The following SMIM8 variants were observed in gnomAD, a reference collection of about 807,000 sequenced individuals.
The protein encoded by SMIM8 is small integral membrane protein 8, also known as UPF0708 protein C6orf162.
SMIM8 carries 8 observed loss-of-function variants against 8.1 expected under a neutral mutation model. The observed-to-expected ratio is 0.99, with a 90% CI of 0.58 to 1.78. The LOEUF is 1.78. Ranked by LOEUF, SMIM8 falls within the 40% of genes most tolerant of loss-of-function variation. The pLI is 0.00. For synonymous variants in SMIM8, 45 were observed against 39.7 expected, an observed-to-expected ratio of 1.13 and a Z score of -0.50; for missense variants, 126 against 119.8, an observed-to-expected ratio of 1.05 and a Z score of -0.24.
Position 87,338,906 on chromosome 6 carries a change from C to CTTTTTTT in SMIM8, c.136-1196_136-1190dup, listed in dbSNP as rs58307492. ...TGAACATCTTTCCTGTATTTAAAAG[C>CTTTTTTT]TTTTTTTTTTTTTTTTTTTTGACTG... On this transcript the variant is annotated intron_variant, in intron 3 of 3. Transcript: ENST00000392863. 2.6e-4 allele frequency among the ~76,000 whole-genome samples: 30 copies of CTTTTTTT among 116,116 alleles called. 1 individual carries two copies. The highest frequency in any genetic ancestry group is 5.1e-3 in the Middle Eastern group (1 of 196). The allele number at this position is 116,116 out of a possible 152,430, so 76.2% of individuals were successfully genotyped here. A position where few individuals can be genotyped will look rare whatever the true frequency, so the allele number is the denominator to read the frequency against.
chr6:87,323,937 T>C (rs1343329039), intron 1 of SMIM8, among the ~76,000 whole-genome samples: 1 of 151,832 alleles, frequency 6.6e-6, no homozygotes, highest in Non-Finnish European at 1.5e-5. Context: ...CAGCACCTGT[T>C]GTTTCCTGAC....
intron 2 of SMIM8, among the ~76,000 whole-genome samples, chr6:87,335,642 A>C (rs1020521836): frequency 1.3e-5 from 2 of 152,142 alleles, no homozygotes; most frequent in African/African-American, 4.8e-5. Context: ...TTTCTCCTTA[A>C]CTACGAAGTT....
At chr6:87,327,389 G>A (rs1776854356) in intron 1 of SMIM8, among the ~76,000 whole-genome samples, 1 of 152,154 alleles carries the variant, frequency 6.6e-6, no homozygotes, top group Non-Finnish European at 1.5e-5. Context: ...GCAATGGATG[G>A]TACAGGTTGT....
At chr6:87,339,080 G>A (rs544431659) in intron 3 of SMIM8, among the ~76,000 whole-genome samples, 7 of 152,012 alleles carry the variant, frequency 4.6e-5, no homozygotes, top group African/African-American at 1.7e-4. Flanking sequence ...CAAGGTGGGC[G>A]GATCACTTGA....
chr6:87,336,009 C>T (rs1169453187), intron 2 of SMIM8, among the ~76,000 whole-genome samples: 1 of 151,778 alleles, frequency 6.6e-6, no homozygotes, highest in African/African-American at 2.4e-5. Flanking sequence ...TCTAGGCAAT[C>T]GAGTAAGAAG....
Position 87,342,074 on chromosome 6 carries a change from C to A in SMIM8, c.*1800C>A, listed in dbSNP as rs1263868543. ...GGTGCAGACTTGAGTCATGTAAGAT[C>A]TATGTGAATGAACCAAAGTAACTAG... is the stretch of plus-strand genomic sequence containing the variant. On this transcript the variant is annotated 3_prime_UTR_variant, in exon 4 of 4. Coordinates refer to ENST00000392863, the MANE Select transcript of SMIM8 (RefSeq NM_001042493.3). The A allele has an allele frequency of 1.3e-5, 2 of 152,182 alleles. No homozygotes were observed. The highest frequency in any genetic ancestry group is 2.9e-5 in the Non-Finnish European group (2 of 68,028). 9.4% of individuals were successfully genotyped at this position (152,182 alleles called of 1,614,324 possible).
chr6:87,332,627 C>A (rs947262506), intron 2 of SMIM8, among the ~76,000 whole-genome samples: 1 of 68,602 alleles, frequency 1.5e-5, no homozygotes, highest in African/African-American at 6.2e-5. Flanking sequence ...ATTCCTGGCA[C>A]ATTATCATCC....
intron 1 of SMIM8, among the ~76,000 whole-genome samples, chr6:87,323,505 A>G (rs1300472135): frequency 3.5e-5 from 5 of 141,590 alleles, no homozygotes; most frequent in Middle Eastern, 4.3e-3. Flanking sequence ...ATTCCCACCT[A>G]TGAGTGAGAA....
chr6:87,341,617 A>G lies in SMIM8; in HGVS notation c.*1343A>G. ...TAACAGCACAGGCAGAGTTTATCAT[A>G]ATGTTATTTTTAATTTGTCATACTT... On this transcript the variant is annotated 3_prime_UTR_variant, in exon 4 of 4. Transcript: ENST00000392863. 7.9e-6 allele frequency: 2 copies of G among 252,594 alleles called. No individual in the cohort carries two copies. Among genetic ancestry groups the G allele is most frequent in the Non-Finnish European group, 1.5e-5 (2 of 134,524 alleles). 15.6% of individuals were successfully genotyped at this position (252,594 alleles called of 1,614,324 possible). A position where few individuals can be genotyped will look rare whatever the true frequency, so the allele number is the denominator to read the frequency against.
chr6:87,338,588 G>A (rs1195860993), intron 3 of SMIM8, among the ~76,000 whole-genome samples: 2 of 152,130 alleles, frequency 1.3e-5, no homozygotes, highest in African/African-American at 2.4e-5. Context: ...CATAACAAGG[G>A]CTTCAAAATT....
At chr6:87,323,909 G>A (rs1445155184) in intron 1 of SMIM8, among the ~76,000 whole-genome samples, 18 of 152,132 alleles carry the variant, frequency 1.2e-4, no homozygotes, top group East Asian at 7.7e-4. Flanking sequence ...AAGTGTTCCT[G>A]TTTCTCCACA....
At chr6:87,332,549 T>A (rs1469399909) in intron 2 of SMIM8, among the ~76,000 whole-genome samples, 1 of 149,566 alleles carries the variant, frequency 6.7e-6, no homozygotes, top group Non-Finnish European at 1.5e-5. Context: ...ATAATTAATA[T>A]ATAATTATAT....
rs1323817003 is a variant in SMIM8 at position 87,322,592 on chromosome 6, CGGGGCGT to C, written c.-84_-78del. 1 of 152,264 alleles carries C rather than the reference CGGGGCGT, an allele frequency of 6.6e-6. No individual in the cohort carries two copies. Among genetic ancestry groups the C allele is most frequent in the African/African-American group, 2.4e-5 (1 of 41,422 alleles). The allele number at this position is 152,264 out of a possible 1,614,324, so 9.4% of individuals were successfully genotyped here. On this transcript the variant is annotated 5_prime_UTR_variant, in exon 1 of 4. Coordinates refer to ENST00000392863, the MANE Select transcript of SMIM8 (RefSeq NM_001042493.3). ...TAGCAGGCGGGGCGGCGAAGCGGGG[CGGGGCGT>C]CTCGGGCGAGGAGAGGAGGTGACCC...
chr6:87,334,929 C>A (rs1260143965), intron 2 of SMIM8, among the ~76,000 whole-genome samples: 2 of 152,212 alleles, frequency 1.3e-5, no homozygotes, highest in Admixed American at 1.3e-4. Context: ...CATACTCCTA[C>A]ACTTGGATCA....
chr6:87,333,586 G>C (rs1777039444), intron 2 of SMIM8, among the ~76,000 whole-genome samples: 1 of 152,192 alleles, frequency 6.6e-6, no homozygotes, highest in Non-Finnish European at 1.5e-5. Context: ...AATGGTAGTA[G>C]TGGAAGCAGT....
At chr6:87,330,238 T>C (rs2127920525) in intron 1 of SMIM8, among the ~76,000 whole-genome samples, 1 of 152,370 alleles carries the variant, frequency 6.6e-6, no homozygotes, top group South Asian at 2.1e-4. Flanking sequence ...ATTTTGCCCA[T>C]TTTATAATTC....
chr6:87,328,936 G>A (rs1776917254), intron 1 of SMIM8, among the ~76,000 whole-genome samples: 1 of 152,222 alleles, frequency 6.6e-6, no homozygotes. Context: ...CGAACCACGT[G>A]CGGGATATAA....
chr6:87,338,906 CTTTTTT>C (rs58307492), intron 3 of SMIM8, among the ~76,000 whole-genome samples: 1 of 116,100 alleles, frequency 8.6e-6, no homozygotes, highest in Non-Finnish European at 1.8e-5. Flanking sequence ...TATTTAAAAG[CTTTTTT>C]TTTTTTTTTT....
intron 1 of SMIM8, among the ~76,000 whole-genome samples, chr6:87,328,539 A>G (rs543752265): frequency 0.027 from 4,036 of 150,340 alleles, 254 homozygotes; most frequent in African/African-American, 0.096. Flanking sequence ...CCCCTGCTGG[A>G]GGCTGCCTCC....
Sources: allele counts gnomAD v4.1 joint callset (sites outside exome capture counted in the v4.1 genomes callset), GRCh38; gene constraint gnomAD v4.1.1; transcripts MANE v1.5; gene names NCBI Gene and HGNC (gene_info 2026-07-23, HGNC 2026-07-21).